Variants in ITGA9 observed in about 807,000 individuals in gnomAD.
The protein encoded by ITGA9 is integrin subunit alpha 9.
In ITGA9, 56 loss-of-function variants were observed where a neutral mutation model predicts 127.8. That is an observed-to-expected ratio of 0.44 (90% CI 0.35 to 0.55). The LOEUF is 0.55. ITGA9 is among the 20% of genes least tolerant of loss of function. The pLI, the probability that ITGA9 is intolerant of heterozygous loss-of-function variation, is 0.00. For missense variants in ITGA9, 1,196 were observed against 1,347.1 expected, an observed-to-expected ratio of 0.89 and a Z score of 1.76; for synonymous variants, 508 against 514.5, an observed-to-expected ratio of 0.99 and a Z score of 0.17.
At position 37,574,315 on chromosome 3, in the gene ITGA9, C is replaced by T. The variant is rs555958963; in HGVS notation, c.1689+31730C>T. 1.6e-4 allele frequency among the ~76,000 whole-genome samples: 24 copies of T among 152,336 alleles called. No homozygotes were observed. The East Asian group carries it at 3.7e-3, about 23-fold the overall frequency. On this transcript the variant is annotated intron_variant, in intron 15 of 27. Transcript: ENST00000264741. ...TTGAATCAGCTTCATATCTTCAGAA[C>T]GTCCAACTTTAAATAATGGTTGGAG...
intron 4 of ITGA9, among the ~76,000 whole-genome samples, chr3:37,490,726 TC>T (rs1698661343): frequency 6.6e-6 from 1 of 151,822 alleles, no homozygotes; most frequent in South Asian, 2.1e-4. Context: ...GTATTTTTTT[TC>T]CTCTCTGAAT....
In ITGA9 at chr3:37,822,648, G is replaced by C. The variant is rs1697527806; in HGVS notation, c.*3659G>C. On this transcript the variant is annotated 3_prime_UTR_variant, in exon 28 of 28. Transcript: ENST00000264741. ...CTGCCCTTGAGCCAAAGGCAATGAGGTTTAAAACAAAAACCCAACAGCACT... is the reference window on the plus strand; with the variant it reads ...CTGCCCTTGAGCCAAAGGCAATGAGCTTTAAAACAAAAACCCAACAGCACT... 1.3e-5 allele frequency: 2 copies of C among 152,192 alleles called. No homozygotes were observed. Among genetic ancestry groups the C allele is most frequent in the Non-Finnish European group, 2.9e-5 (2 of 68,046 alleles). 9.4% of individuals were successfully genotyped at this position (152,192 alleles called of 1,614,324 possible). A position where few individuals can be genotyped will look rare whatever the true frequency, so the allele number is the denominator to read the frequency against.
chr3:37,467,163 C>A (rs950738011), intron 1 of ITGA9, among the ~76,000 whole-genome samples: 4 of 152,192 alleles, frequency 2.6e-5, no homozygotes, highest in African/African-American at 7.2e-5. Flanking sequence ...CACATAGATA[C>A]AAGCACATTC....
intron 27 of ITGA9, among the ~76,000 whole-genome samples, chr3:37,805,221 T>A (rs970175778): frequency 1.9e-4 from 29 of 152,274 alleles, no homozygotes; most frequent in African/African-American, 6.5e-4. Context: ...CTCATTTTTT[T>A]ATTTTTTTGT....
intron 1 of ITGA9, among the ~76,000 whole-genome samples, chr3:37,455,000 T>G (rs1449261967): frequency 1.3e-5 from 2 of 152,218 alleles, no homozygotes; most frequent in Non-Finnish European, 1.5e-5. Flanking sequence ...AAAGGATTCT[T>G]GCTTGCATAG....
At chr3:37,818,747 G>T in intron 27 of ITGA9, 144 bp from the exon 28 acceptor site, 1 of 688,218 alleles carries the variant, frequency 1.5e-6, no homozygotes, top group Admixed American at 2.3e-5. Flanking sequence ...TCTTGCCAGT[G>T]TTTTCTCTAA....
intron 14 of ITGA9, among the ~76,000 whole-genome samples, chr3:37,538,896 T>C (rs972716449): frequency 6.6e-6 from 1 of 152,260 alleles, no homozygotes; most frequent in African/African-American, 2.4e-5. Context: ...GTTCTAGAGA[T>C]GAAATGCTTC....
intron 18 of ITGA9, among the ~76,000 whole-genome samples, chr3:37,700,286 A>T (rs115613459): frequency 0.035 from 5,224 of 151,206 alleles, 119 homozygotes; most frequent in Non-Finnish European, 0.055. Context: ...ACCTAGCCGG[A>T]CATACTATTT....
intron 3 of ITGA9, among the ~76,000 whole-genome samples, chr3:37,474,592 A>G (rs267527): frequency 0.56 from 85,640 of 152,100 alleles, 24,774 homozygotes; most frequent in African/African-American, 0.69. Flanking sequence ...ACTCCGGAAG[A>G]ACCCCTGCAC....
rs144643872 is a variant in ITGA9, at chr3:37,718,507, C to G, written c.2068-14205C>G. The stretch of plus-strand genomic sequence containing the variant: ...TCTCACATACTCTAGGTCTCAATCT[C>G]TTAACTTCAAAAATGGCAGTGGCTA... On this transcript the variant is annotated intron_variant, in intron 18 of 27. Coordinates refer to ENST00000264741, the MANE Select transcript of ITGA9 (RefSeq NM_002207.3). 1.6e-3 allele frequency among the ~76,000 whole-genome samples: 246 copies of G among 152,292 alleles called. 1 individual carries two copies. The highest frequency in any genetic ancestry group is 1.7e-3 in the Non-Finnish European group (113 of 68,020).
chr3:37,506,467 A>G (rs1016206270), intron 7 of ITGA9, among the ~76,000 whole-genome samples: 19 of 152,228 alleles, frequency 1.2e-4, no homozygotes, highest in African/African-American at 4.6e-4. Context: ...AGCTAGGTCC[A>G]GTCTCAGATA....
chr3:37,575,157 C>T (rs1369283244), intron 15 of ITGA9, among the ~76,000 whole-genome samples: 2 of 152,142 alleles, frequency 1.3e-5, no homozygotes, highest in Non-Finnish European at 2.9e-5. Context: ...TACCCGTGCC[C>T]TGTGCTGCTG....
At position 37,473,272 on chromosome 3, in the gene ITGA9, T is replaced by C. The variant is rs1579047965; in HGVS notation, c.314-82T>C. ...TTGTGGAAAGTTCCTTATTTCCTCA[T>C]AGGGCTGTGGACCACCCTTTGAAAG... On this transcript the variant is annotated intron_variant, in intron 2 of 27. Transcript: ENST00000264741. 9 of 985,090 alleles carry C rather than the reference T, an allele frequency of 9.1e-6. No individual in the cohort carries two copies. The East Asian group carries it at 1.7e-4, about 18-fold the overall frequency. The allele number at this position is 985,090 out of a possible 1,614,324, so 61.0% of individuals were successfully genotyped here.
intron 5 of ITGA9, among the ~76,000 whole-genome samples, chr3:37,495,533 G>T (rs985095822): frequency 6.6e-6 from 1 of 152,138 alleles, no homozygotes; most frequent in Non-Finnish European, 1.5e-5. Context: ...TTCATCTGCA[G>T]TCCTGTTGTT....
intron 15 of ITGA9, among the ~76,000 whole-genome samples, chr3:37,613,620 C>A (rs1049250189): frequency 1.3e-5 from 2 of 152,348 alleles, no homozygotes; most frequent in Non-Finnish European, 2.9e-5. Flanking sequence ...TCCTCTCCAG[C>A]ACCTGTTGTT....
At chr3:37,709,049 T>A (rs922933034) in intron 18 of ITGA9, among the ~76,000 whole-genome samples, 1 of 152,190 alleles carries the variant, frequency 6.6e-6, no homozygotes, top group African/African-American at 2.4e-5. Context: ...GTTTTCTTCT[T>A]CTTTTTTTTA....
chr3:37,452,518 C>A lies in ITGA9; in HGVS notation c.144C>A (p.Phe48Leu). Residue 48 changes from phenylalanine (F) to leucine (L), a missense_variant, in exon 1 of 28, where the codon TTC becomes TTA. Phe to Leu is a conservative substitution (Grantham distance 22, BLOSUM62 0). Transcript: ENST00000264741. This position sits in a 1 kb window ranked among gnomAD's most constrained non-coding sequence, Gnocchi z 7.3. Reference protein sequence around the residue: ...VHFQGPADSFFGYAVLEHFHD... With the variant: ...VHFQGPADSFLGYAVLEHFHD... ...TCCAGGGCCCCGCTGACTCGTTCTTCGGCTACGCAGTTCTGGAGCATTTCC... is the reference window on the plus strand; with the variant it reads ...TCCAGGGCCCCGCTGACTCGTTCTTAGGCTACGCAGTTCTGGAGCATTTCC... The A allele has an allele frequency of 6.5e-7, 1 of 1,528,492 alleles. No individual in the cohort carries two copies. The highest frequency in any genetic ancestry group is 8.8e-7 in the Non-Finnish European group (1 of 1,137,966). The allele number at this position is 1,528,492 out of a possible 1,614,324, so 94.7% of individuals were successfully genotyped here. A position where few individuals can be genotyped will look rare whatever the true frequency, so the allele number is the denominator to read the frequency against.
chr3:37,813,925 G>A (rs1697398379), intron 27 of ITGA9, among the ~76,000 whole-genome samples: 3 of 152,190 alleles, frequency 2.0e-5, no homozygotes, highest in East Asian at 1.9e-4. Context: ...GAACATAACT[G>A]CATGTGTTTT....
chr3:37,743,664 C>G (rs1696465116), intron 21 of ITGA9, among the ~76,000 whole-genome samples: 1 of 152,298 alleles, frequency 6.6e-6, no homozygotes, highest in Admixed American at 6.5e-5. Context: ...AAAGTCAAAG[C>G]TATGATAATC....
Sources: allele counts gnomAD v4.1 joint callset (sites outside exome capture counted in the v4.1 genomes callset), GRCh38; gene constraint gnomAD v4.1.1; non-coding constraint Gnocchi (gnomAD v3.1); transcripts MANE v1.5; gene names NCBI Gene and HGNC (gene_info 2026-07-23, HGNC 2026-07-21).